The following SHISA9 variants were observed in gnomAD, a reference collection of about 807,000 sequenced individuals.
SHISA9 encodes shisa family member 9.
In SHISA9, 13 loss-of-function variants were observed where a neutral mutation model predicts 38.0. The observed-to-expected ratio is 0.34, with a 90% confidence interval of 0.22 to 0.54. The LOEUF is 0.54. Among genes scored for constraint, SHISA9 ranks in the 20% least tolerant of loss-of-function variants. SHISA9 has a pLI of 0.91. For missense variants in SHISA9, 538 were observed against 575.8 expected (o/e 0.93, Z 0.67); for synonymous variants, 275 against 242.0 (o/e 1.14, Z -1.27).
At chr16:13,069,922 C>A (rs57609654) in intron 2 of SHISA9, among the ~76,000 whole-genome samples, 5 of 152,038 alleles carry the variant, frequency 3.3e-5, no homozygotes, top group African/African-American at 1.2e-4. Context: ...ACCTAATCTG[C>A]CAGCACTTTA....
At chr16:13,301,085 T>C in the SHISA9 span, among the ~76,000 whole-genome samples, 1 of 152,170 alleles carries the variant, frequency 6.6e-6, no homozygotes, top group East Asian at 1.9e-4. Flanking sequence ...CCTTAAAAAC[T>C]CTACAATCTG....
chr16:13,556,920 C>T, the SHISA9 span, among the ~76,000 whole-genome samples: 1 of 152,118 alleles, frequency 6.6e-6, no homozygotes, highest in Admixed American at 6.5e-5. Context: ...AGTTTACATG[C>T]GAAGACGATG....
chr16:13,354,731 G>A, the SHISA9 span, among the ~76,000 whole-genome samples: 5 of 152,026 alleles, frequency 3.3e-5, no homozygotes, highest in African/African-American at 9.7e-5. Context: ...TGTGGTCCTG[G>A]CTCTTGTGTA....
At chr16:13,088,054 C>T (rs188494046) in intron 2 of SHISA9, among the ~76,000 whole-genome samples, 11 of 152,294 alleles carry the variant, frequency 7.2e-5, no homozygotes, top group South Asian at 2.1e-4. Flanking sequence ...AGCCAGTTTT[C>T]GCAGTATCAT....
chr16:13,360,483 A>G, the SHISA9 span, among the ~76,000 whole-genome samples: 1 of 152,070 alleles, frequency 6.6e-6, no homozygotes, highest in Admixed American at 6.6e-5. Flanking sequence ...ATGAGATCTG[A>G]TGTTTTTATA....
intron 2 of SHISA9, among the ~76,000 whole-genome samples, chr16:13,116,341 C>G (rs1327526450): frequency 6.6e-6 from 1 of 152,112 alleles, no homozygotes; most frequent in Non-Finnish European, 1.5e-5. Flanking sequence ...AAGTGTTCCT[C>G]GGAAATAAAT....
chr16:13,429,111 C>G, the SHISA9 span, among the ~76,000 whole-genome samples: 3 of 151,950 alleles, frequency 2.0e-5, no homozygotes, highest in African/African-American at 7.3e-5. Context: ...GGATGGATGA[C>G]GGGATAGTTT....
At chr16:13,440,074 C>G in the SHISA9 span, among the ~76,000 whole-genome samples, 4 of 152,198 alleles carry the variant, frequency 2.6e-5, no homozygotes, top group Non-Finnish European at 5.9e-5. Flanking sequence ...AGTTTATCTC[C>G]TTAATGGAGG....
At chr16:13,444,417 G>A in the SHISA9 span, among the ~76,000 whole-genome samples, 148 of 140,580 alleles carry the variant, frequency 1.1e-3, no homozygotes, top group African/African-American at 3.5e-3. Flanking sequence ...GGGAGGGAGG[G>A]AGGAAGGAAG....
chr16:13,509,933 T>C, the SHISA9 span, among the ~76,000 whole-genome samples: 3 of 152,186 alleles, frequency 2.0e-5, no homozygotes, highest in Non-Finnish European at 4.4e-5. Context: ...GGAATAATAG[T>C]AGCCTCCACC....
At chr16:12,940,848 A>T (rs981322992) in intron 2 of SHISA9, among the ~76,000 whole-genome samples, 2 of 152,174 alleles carry the variant, frequency 1.3e-5, no homozygotes, top group African/African-American at 4.8e-5. Context: ...AGTTACTTAG[A>T]TCACTGTGTA....
chr16:12,942,226 T>C (rs1165991395), intron 2 of SHISA9, among the ~76,000 whole-genome samples: 1 of 152,230 alleles, frequency 6.6e-6, no homozygotes, highest in Non-Finnish European at 1.5e-5. Context: ...TTCAATTCTC[T>C]TGTATTTCCC....
At chr16:13,140,085 TCTTCCCTTCCCTTCCCTTCC>T (rs1191653527) in intron 2 of SHISA9, among the ~76,000 whole-genome samples, 14 of 52,266 alleles carry the variant, frequency 2.7e-4, no homozygotes, top group East Asian at 8.1e-4. Context: ...TTTCCTCTTC[TCTTCCCTTCCCTTCCCTTCC>T]CTTCCCTTCC....
chr16:13,498,013 C>T, the SHISA9 span, among the ~76,000 whole-genome samples: 1 of 151,568 alleles, frequency 6.6e-6, no homozygotes, highest in African/African-American at 2.4e-5. Flanking sequence ...ACAAAGCAAA[C>T]ACTCAACAAA....
At chr16:13,276,271 T>TATATATATATAG in the SHISA9 span, among the ~76,000 whole-genome samples, 7,907 of 151,474 alleles carry the variant, frequency 0.052, 678 homozygotes, top group African/African-American at 0.18. Flanking sequence ...TGCATAGTAT[T>TATATATATATAG]CCATCATATA....
rs144778679 is a variant in SHISA9 at position 13,023,850 on chromosome 16, G to T, written c.691+107035G>T. 2.4e-3 allele frequency among the ~76,000 whole-genome samples: 358 copies of T among 152,268 alleles called. 1 individual carries two copies. The highest frequency in any genetic ancestry group is 3.7e-3 in the Non-Finnish European group (249 of 68,012). ...TTTCTAAATGAGGTCACATTCATAG[G>T]TTCTGGAGGTTAGGACATGGTCATA... On this transcript the variant is annotated intron_variant, in intron 2 of 4. Transcript: ENST00000558583.
At chr16:13,452,148 A>T in the SHISA9 span, among the ~76,000 whole-genome samples, 1 of 152,208 alleles carries the variant, frequency 6.6e-6, no homozygotes, top group Non-Finnish European at 1.5e-5. Flanking sequence ...TTTTCCTTCA[A>T]TGAATGGGCT....
intron 2 of SHISA9, among the ~76,000 whole-genome samples, chr16:13,136,491 C>G (rs971925224): frequency 6.6e-6 from 1 of 150,730 alleles, no homozygotes; most frequent in African/African-American, 2.5e-5. Context: ...CTCCACCTCC[C>G]AGGTTCAAGT....
At chr16:13,406,922 G>C in the SHISA9 span, among the ~76,000 whole-genome samples, 1 of 151,844 alleles carries the variant, frequency 6.6e-6, no homozygotes. Flanking sequence ...TACAAAATTA[G>C]CTGGGTGTGG....
Sources: allele counts gnomAD v4.1 joint callset (sites outside exome capture counted in the v4.1 genomes callset), GRCh38; gene constraint gnomAD v4.1.1; transcripts MANE v1.5; gene names NCBI Gene and HGNC (gene_info 2026-07-23, HGNC 2026-07-21).